GAB2: variants seen among roughly 807,000 people sequenced by gnomAD.
The protein encoded by GAB2 is GRB2 associated binding protein 2.
In GAB2, 26 loss-of-function variants were observed where a neutral mutation model predicts 65.5. That is an observed-to-expected ratio of 0.40 (90% CI 0.29 to 0.55). The LOEUF (loss-of-function observed/expected upper bound fraction) is 0.55, where lower values mean the gene tolerates loss of function less well. GAB2 is among the 20% of genes least tolerant of loss of function. GAB2 has a pLI of 0.53. For synonymous variants in GAB2, 321 were observed against 329.6 expected (o/e 0.97, Z 0.28); for missense variants, 884 against 875.8 (o/e 1.01, Z -0.12).
chr11:78,309,324 C>T (rs192899725), intron 1 of GAB2, among the ~76,000 whole-genome samples: 1 of 152,252 alleles, frequency 6.6e-6, no homozygotes, highest in Non-Finnish European at 1.5e-5. Context: ...ACCATCACCA[C>T]TATTTAATTC....
At chr11:78,391,942 T>C (rs968314572) in intron 1 of GAB2, among the ~76,000 whole-genome samples, 14 of 152,210 alleles carry the variant, frequency 9.2e-5, no homozygotes, top group African/African-American at 3.4e-4. Flanking sequence ...CAGACAGCTA[T>C]AGAAAATATG....
intron 1 of GAB2, among the ~76,000 whole-genome samples, chr11:78,326,878 C>T (rs992822898): frequency 8.5e-5 from 13 of 152,060 alleles, no homozygotes; most frequent in African/African-American, 3.1e-4. Flanking sequence ...AGTCTTAAAA[C>T]CTTGTTGAGG....
intron 2 of GAB2, among the ~76,000 whole-genome samples, chr11:78,268,242 T>G (rs2134559970): frequency 6.6e-6 from 1 of 152,300 alleles, no homozygotes; most frequent in Admixed American, 6.5e-5. Context: ...TCACTCCTAG[T>G]TTACTGTTGA....
At chr11:78,315,667 T>C (rs28430386) in intron 1 of GAB2, among the ~76,000 whole-genome samples, 6,918 of 152,190 alleles carry the variant, frequency 0.045, 513 homozygotes, top group African/African-American at 0.16. Flanking sequence ...AATAGATAAA[T>C]TGGACATCAA....
At chr11:78,281,215 A>T (rs961556504) in intron 1 of GAB2, among the ~76,000 whole-genome samples, 1 of 150,048 alleles carries the variant, frequency 6.7e-6, no homozygotes, top group African/African-American at 2.5e-5. Context: ...CACTGGGATT[A>T]TAAGTATGAG....
rs866053426 is a variant in GAB2, at chr11:78,416,003, T to C, written c.75+1643A>G. On this transcript the variant is annotated intron_variant, in intron 1 of 9. Coordinates refer to ENST00000361507, the MANE Select transcript of GAB2 (RefSeq NM_080491.3). ...ACTAGCTTGTATGGAAATCTATTTG[T>C]ATAGATAATTTTTGGAAGCTCTTCG... Among the ~76,000 whole-genome samples the C allele has an allele frequency of 3.3e-5, 5 of 152,058 alleles. 1 individual carries two copies. The highest frequency in any genetic ancestry group is 6.8e-3 in the Middle Eastern group (2 of 294).
chr11:78,364,490 T>TA (rs1354114065), intron 1 of GAB2, among the ~76,000 whole-genome samples: 1 of 152,254 alleles, frequency 6.6e-6, no homozygotes, highest in African/African-American at 2.4e-5. Context: ...CAATACATGC[T>TA]ACTTTTTGTA....
chr11:78,255,150 T>C (rs1865563028), intron 2 of GAB2, among the ~76,000 whole-genome samples: 2 of 152,036 alleles, frequency 1.3e-5, no homozygotes, highest in Admixed American at 1.3e-4. Context: ...TACCATGTGA[T>C]GTATGGGTCA....
chr11:78,390,282 C>T (rs1039435143), intron 1 of GAB2, among the ~76,000 whole-genome samples: 3 of 152,182 alleles, frequency 2.0e-5, no homozygotes, highest in Non-Finnish European at 4.4e-5. Context: ...AAGGATTTCT[C>T]ACTAGGTCAA....
At chr11:78,350,344 T>A (rs1305913256) in intron 1 of GAB2, among the ~76,000 whole-genome samples, 2 of 152,184 alleles carry the variant, frequency 1.3e-5, no homozygotes, top group Non-Finnish European at 2.9e-5. Flanking sequence ...TCCGTGAGAC[T>A]CTGGCAAGAC....
intron 1 of GAB2, among the ~76,000 whole-genome samples, chr11:78,412,715 T>A (rs926109390): frequency 2.0e-5 from 3 of 152,242 alleles, no homozygotes; most frequent in African/African-American, 7.2e-5. Context: ...TAGAATTACC[T>A]CAAAATGAAA....
intron 1 of GAB2, among the ~76,000 whole-genome samples, chr11:78,323,060 A>T (rs371701499): frequency 6.6e-6 from 1 of 152,246 alleles, no homozygotes; most frequent in South Asian, 2.1e-4. Context: ...AAAGACAGGG[A>T]ATCAACCTAG....
intron 1 of GAB2, among the ~76,000 whole-genome samples, chr11:78,379,949 T>C (rs182871083): frequency 7.9e-5 from 12 of 152,350 alleles, no homozygotes; most frequent in Admixed American, 3.3e-4. Flanking sequence ...GCACCATCAA[T>C]ACTCTTGATG....
At chr11:78,412,501 G>C (rs573680211) in intron 1 of GAB2, among the ~76,000 whole-genome samples, 2 of 152,330 alleles carry the variant, frequency 1.3e-5, no homozygotes, top group East Asian at 3.9e-4. Context: ...GGATGTGGTA[G>C]GGGTGGGATG....
intron 3 of GAB2, 62 bp from the exon 4 acceptor site, chr11:78,227,113 G>C: frequency 1.8e-6 from 2 of 1,105,650 alleles, no homozygotes; most frequent in Non-Finnish European, 2.7e-6. Flanking sequence ...GTGACCTTGA[G>C]GCAAAGCACT....
Position 78,268,735 on chromosome 11 carries a change from T to TAA in GAB2, c.376+11864_376+11865dup, listed in dbSNP as rs530276951. Among the ~76,000 whole-genome samples the TAA allele has an allele frequency of 1.3e-3, 167 of 127,726 alleles. 1 individual carries two copies. Among genetic ancestry groups the TAA allele is most frequent in the African/African-American group, 4.1e-3 (143 of 34,696 alleles). The allele number at this position is 127,726 out of a possible 152,430, so 83.8% of individuals were successfully genotyped here. On this transcript the variant is annotated intron_variant, in intron 2 of 9. Transcript: ENST00000361507. ...GTGGTGAGGGGGAGTGTCTGGTATT[T>TAA]AAAAAAAAAAAAAAAAAAGGCAGAA...
At chr11:78,351,935 G>A (rs549686977) in intron 1 of GAB2, among the ~76,000 whole-genome samples, 5 of 152,236 alleles carry the variant, frequency 3.3e-5, no homozygotes, top group East Asian at 1.9e-4. Flanking sequence ...GGGCCAGGTC[G>A]AGCGCAGTGG....
chr11:78,263,402 G>C (rs944544742), intron 2 of GAB2, among the ~76,000 whole-genome samples: 8 of 152,156 alleles, frequency 5.3e-5, no homozygotes, highest in African/African-American at 1.9e-4. Context: ...GGGAGGCCAA[G>C]GCGGGCAGAT....
chr11:78,352,169 C>T (rs1009662177), intron 1 of GAB2, among the ~76,000 whole-genome samples: 1 of 152,128 alleles, frequency 6.6e-6, no homozygotes. Context: ...GCCGAGATGG[C>T]GCCATTGCAC....
Sources: gnomAD v4.1 joint callset for allele counts (sites outside exome capture counted in the v4.1 genomes callset) on GRCh38, gnomAD v4.1.1 for gene constraint, MANE v1.5 for transcripts, NCBI Gene and HGNC (gene_info 2026-07-23, HGNC 2026-07-21) for gene names.